Variants in CYFIP2 observed in about 807,000 individuals in gnomAD.
CYFIP2 encodes cytoplasmic FMR1-interacting protein 2.
CYFIP2 carries 29 observed loss-of-function variants against 158.7 expected under a neutral mutation model. The observed-to-expected ratio is 0.18, with a 90% CI of 0.14 to 0.25. The LOEUF (loss-of-function observed/expected upper bound fraction) is 0.25. Ranked by LOEUF, CYFIP2 falls within the 10% of genes least tolerant of loss-of-function variation. CYFIP2 has a pLI of 1.00. For synonymous variants in CYFIP2, 585 were observed against 617.6 expected, an observed-to-expected ratio of 0.95 and a Z score of 0.78; for missense variants, 852 against 1,639.5, an observed-to-expected ratio of 0.52 and a Z score of 8.29.
At chr5:157,275,706 A>G (rs926939873) in intron 1 of CYFIP2, among the ~76,000 whole-genome samples, 2 of 152,218 alleles carry the variant, frequency 1.3e-5, no homozygotes, top group African/African-American at 2.4e-5. Flanking sequence ...TGAGATTTTC[A>G]TAGAGATTAT....
At chr5:157,377,042 T>C (rs1352585961) in intron 26 of CYFIP2, 8 of 369,014 alleles carry the variant, frequency 2.2e-5, no homozygotes, top group African/African-American at 2.1e-5. Context: ...GGTCCAGTCA[T>C]CAGGTCTCTG....
rs117680665 is a variant in CYFIP2 at position 157,273,404 on chromosome 5, T to C, written c.-24+7209T>C. Among the ~76,000 whole-genome samples, 29 of 152,218 alleles carry C rather than the reference T, an allele frequency of 1.9e-4. No homozygotes were observed. The East Asian group carries it at 5.0e-3, about 26-fold the overall frequency. The stretch of plus-strand genomic sequence containing the variant: ...CCCACCCACCTCACAGGCAGTAATA[T>C]TATTACTCCTCAGTTAATATTATCT... On this transcript the variant is annotated intron_variant, in intron 1 of 30. Coordinates refer to ENST00000620254, the MANE Select transcript of CYFIP2 (RefSeq NM_001037333.3).
At position 157,300,882 on chromosome 5, in the gene CYFIP2, C is replaced by T; in HGVS notation, c.555C>T (p.His185=). The change falls in exon 6 of 31, where the codon CAC becomes CAT. Residue 185 remains histidine, a synonymous_variant. Coordinates refer to ENST00000620254, the MANE Select transcript of CYFIP2 (RefSeq NM_001037333.3). ...KNMKCSVKND[H]SAYKRAAQFL... is the part of the protein sequence containing the mutation. ...TGAAGTGCAGCGTCAAGAATGACCA[C>T]TCTGCCTACAAGAGGTCAGGGCAAC... 4 of 1,592,900 alleles carry T rather than the reference C, an allele frequency of 2.5e-6. No homozygotes were observed. The highest frequency in any genetic ancestry group is 3.4e-6 in the Non-Finnish European group (4 of 1,167,186).
chr5:157,364,906 G>A (rs1020259387), intron 26 of CYFIP2: 12 of 152,028 alleles, frequency 7.9e-5, no homozygotes, highest in Non-Finnish European at 1.5e-4. Flanking sequence ...CCATTCTCAT[G>A]GAAAACTCTG....
intron 17 of CYFIP2, chr5:157,325,904 A>C: frequency 1.9e-6 from 1 of 538,706 alleles, no homozygotes; most frequent in Non-Finnish European, 3.3e-6. Context: ...AGGAGCAGGT[A>C]GCTTGTATTC....
intron 23 of CYFIP2, among the ~76,000 whole-genome samples, chr5:157,344,234 C>G (rs1200195548): frequency 1.3e-5 from 2 of 152,124 alleles, no homozygotes; most frequent in Non-Finnish European, 2.9e-5. Flanking sequence ...CTATTTAATT[C>G]TGCTGTTATT....
intron 5 of CYFIP2, among the ~76,000 whole-genome samples, chr5:157,299,985 C>G (rs1379817356): frequency 6.6e-6 from 1 of 152,120 alleles, no homozygotes; most frequent in East Asian, 1.9e-4. Context: ...TCTTTTGTTT[C>G]CTGCTCTACC....
intron 1 of CYFIP2, among the ~76,000 whole-genome samples, chr5:157,272,774 A>C (rs1358230041): frequency 2.0e-5 from 3 of 152,220 alleles, no homozygotes; most frequent in East Asian, 1.9e-4. Context: ...ATGATCACAG[A>C]CAGCCAAGTA....
chr5:157,390,456 C>CT, intron 29 of CYFIP2, 65 bp from the exon 30 acceptor site: 1 of 1,367,578 alleles, frequency 7.3e-7, no homozygotes, highest in Non-Finnish European at 1.0e-6. Flanking sequence ...CAAGATGAGG[C>CT]TCCCTCCCTC....
At chr5:157,268,533 G>A (rs991779087) in intron 1 of CYFIP2, among the ~76,000 whole-genome samples, 4 of 152,130 alleles carry the variant, frequency 2.6e-5, no homozygotes, top group Non-Finnish European at 2.9e-5. Context: ...GCTAATTAAC[G>A]GGAAAAGCGC....
chr5:157,345,943 C>A (rs571211940), intron 23 of CYFIP2, among the ~76,000 whole-genome samples: 12 of 152,278 alleles, frequency 7.9e-5, no homozygotes, highest in African/African-American at 1.4e-4. Flanking sequence ...CCTCTTTGGC[C>A]AATGGTTTTA....
At chr5:157,340,081 G>A (rs112466822) in intron 22 of CYFIP2, among the ~76,000 whole-genome samples, 153 of 152,404 alleles carry the variant, frequency 1.0e-3, no homozygotes, top group African/African-American at 3.3e-3. Context: ...GCATGACAAA[G>A]TGGAACTTGC....
Position 157,302,867 on chromosome 5 carries a change from G to A in CYFIP2, c.643G>A (p.Ala215Thr). ...QESQNLSMFL[A>T]NHNRITQCLH... ...GTCGCAGAACCTTTCCATGTTCCTG[G>A]CCAACCACAACAGGATCACCCAGGT... Residue 215 changes from alanine (A) to threonine (T), a missense_variant, in exon 7 of 31, where the codon GCC becomes ACC. This residue lies in a region of CYFIP2 where 123 missense variants were observed against 316.7 expected (regional missense o/e 0.39). Transcript: ENST00000620254. 1 of 1,582,022 alleles carries A rather than the reference G, an allele frequency of 6.3e-7. No individual in the cohort carries two copies. The highest frequency in any genetic ancestry group is 1.2e-5 in the South Asian group (1 of 86,118).
chr5:157,279,054 T>C (rs1260105649), intron 1 of CYFIP2, among the ~76,000 whole-genome samples: 1 of 152,262 alleles, frequency 6.6e-6, no homozygotes, highest in Non-Finnish European at 1.5e-5. Context: ...AAGGAGGTGC[T>C]TCAATTCATA....
chr5:157,314,226 A>G, intron 11 of CYFIP2, 118 bp from the exon 12 acceptor site: 2 of 1,305,044 alleles, frequency 1.5e-6, no homozygotes, highest in African/African-American at 1.5e-5. Flanking sequence ...GCCTCAGTTT[A>G]TCTGTCAAGG....
chr5:157,392,310 A>G (rs958044913), intron 30 of CYFIP2, among the ~76,000 whole-genome samples: 2 of 152,186 alleles, frequency 1.3e-5, no homozygotes, highest in African/African-American at 4.8e-5. Flanking sequence ...CAAATCCAAC[A>G]TCATGAAAAT....
chr5:157,271,935 C>T (rs1048246138), intron 1 of CYFIP2, among the ~76,000 whole-genome samples: 2 of 152,192 alleles, frequency 1.3e-5, no homozygotes, highest in African/African-American at 4.8e-5. Context: ...TGGTGTTCCT[C>T]ATATGACAGC....
intron 20 of CYFIP2, among the ~76,000 whole-genome samples, chr5:157,331,957 G>A (rs1461050930): frequency 1.3e-5 from 2 of 152,208 alleles, no homozygotes; most frequent in Non-Finnish European, 2.9e-5. Flanking sequence ...TACCCCAGTG[G>A]AAAGTACCTT....
In CYFIP2 at chr5:157,304,361, C is replaced by T; in HGVS notation, c.790C>T (p.Leu264Phe). The change falls in exon 8 of 31, where the codon CTC becomes TTC. Residue 264 changes from leucine to phenylalanine, a missense_variant. Leu to Phe is a conservative substitution (Grantham distance 22). Coordinates refer to ENST00000620254, the MANE Select transcript of CYFIP2 (RefSeq NM_001037333.3). ...GACTCCCAGTGAGAAACATATGCTC[C>T]TCAAGGTAAAACTCCCCTGAGGCCG... ...YLTPSEKHML[L>F]KVMGFGLYLM... 6.2e-7 allele frequency: 1 copy of T among 1,613,286 alleles called. No individual in the cohort carries two copies. The highest frequency in any genetic ancestry group is 8.5e-7 in the Non-Finnish European group (1 of 1,179,386).
Sources: gnomAD v4.1 joint callset for allele counts (sites outside exome capture counted in the v4.1 genomes callset) on GRCh38, gnomAD v4.1.1 for gene constraint, gnomAD v4.1.1 regional missense constraint, MANE v1.5 for transcripts, NCBI Gene and HGNC (gene_info 2026-07-23, HGNC 2026-07-21) for gene names.